The following TUNAR variants were observed in gnomAD, a reference collection of about 807,000 sequenced individuals.
TUNAR encodes the protein protein TUNAR.
At chr14:95,883,397 C>A (rs542278875) in intron 2 of TUNAR, among the ~76,000 whole-genome samples, 2 of 152,138 alleles carry the variant, frequency 1.3e-5, no homozygotes, top group Non-Finnish European at 2.9e-5. Flanking sequence ...TAGGATCCAC[C>A]CCCCCAACAC....
Position 95,904,699 on chromosome 14 carries a change from G to A in TUNAR, c.13-18082G>A, listed in dbSNP as rs1225660826. ...CCTTGAGGCTCAGCCCCATAGAGGT[G>A]GGGAGCCCCTTCCAGGCCTCGGGCC... On this transcript the variant is annotated intron_variant, in intron 2 of 2. Coordinates refer to ENST00000678517, the Ensembl canonical transcript of TUNAR. Among the ~76,000 whole-genome samples, 4 of 152,192 alleles carry A rather than the reference G, an allele frequency of 2.6e-5. No homozygotes were observed. In the East Asian group the frequency reaches 5.8e-4, roughly 22 times the overall value.
intron 2 of TUNAR, among the ~76,000 whole-genome samples, chr14:95,900,157 C>T (rs759216756): frequency 2.6e-5 from 4 of 152,098 alleles, no homozygotes; most frequent in Non-Finnish European, 4.4e-5. Context: ...AAACATAAAA[C>T]GATGCTTAAA....
intron 2 of TUNAR, among the ~76,000 whole-genome samples, chr14:95,884,651 T>G (rs1208823379): frequency 2.0e-5 from 3 of 152,082 alleles, no homozygotes; most frequent in Admixed American, 2.0e-4. Context: ...TTCGAGGAAG[T>G]TTCTGGATAT....
intron 2 of TUNAR, among the ~76,000 whole-genome samples, chr14:95,891,862 G>T (rs894790120): frequency 6.6e-6 from 1 of 152,184 alleles, no homozygotes; most frequent in Admixed American, 6.5e-5. Context: ...GTCTCCTCCC[G>T]GTTGCTGGTG....
intron 2 of TUNAR, among the ~76,000 whole-genome samples, chr14:95,911,161 C>G (rs879551805): frequency 6.6e-6 from 1 of 152,228 alleles, no homozygotes; most frequent in African/African-American, 2.4e-5. Flanking sequence ...CCCCTCCAGC[C>G]TCAGCTCTTA....
At chr14:95,896,013 C>G (rs1889258640) in intron 2 of TUNAR, 1 of 152,212 alleles carries the variant, frequency 6.6e-6, no homozygotes, top group Non-Finnish European at 1.5e-5. Context: ...GGTACCTGGC[C>G]CCAGGTGGGC....
chr14:95,891,731 C>T (rs1245628303), intron 2 of TUNAR, among the ~76,000 whole-genome samples: 1 of 152,202 alleles, frequency 6.6e-6, no homozygotes. Flanking sequence ...ATAACAATAC[C>T]AAAAGCTGGG....
chr14:95,888,698 G>A (rs761069213), intron 2 of TUNAR, among the ~76,000 whole-genome samples: 10 of 152,288 alleles, frequency 6.6e-5, no homozygotes, highest in East Asian at 5.8e-4. Flanking sequence ...TAGTGCGTGG[G>A]GGTGTCTGTC....
At chr14:95,901,740 G>A (rs1172528787) in intron 2 of TUNAR, among the ~76,000 whole-genome samples, 1 of 152,218 alleles carries the variant, frequency 6.6e-6, no homozygotes, top group Non-Finnish European at 1.5e-5. Flanking sequence ...TCTCTTCAAA[G>A]TAGGGAGGAG....
intron 2 of TUNAR, among the ~76,000 whole-genome samples, chr14:95,921,619 A>G (rs144659464): frequency 5.3e-5 from 8 of 152,362 alleles, no homozygotes; most frequent in African/African-American, 1.7e-4. Context: ...AAAGCTTAAC[A>G]GATGGCAGAT....
intron 2 of TUNAR, among the ~76,000 whole-genome samples, chr14:95,911,004 C>A (rs1357850177): frequency 2.0e-5 from 3 of 152,168 alleles, no homozygotes; most frequent in African/African-American, 7.2e-5. Flanking sequence ...TATAAAGTAT[C>A]TAATGCATAC....
chr14:95,912,791 C>CT (rs976456798), intron 2 of TUNAR, among the ~76,000 whole-genome samples: 7 of 151,058 alleles, frequency 4.6e-5, no homozygotes, highest in East Asian at 1.9e-4. Context: ...TCCTTTTTTT[C>CT]TTTTTTTTTC....
intron 2 of TUNAR, among the ~76,000 whole-genome samples, chr14:95,879,425 T>G (rs926477482): frequency 6.6e-6 from 1 of 152,206 alleles, no homozygotes; most frequent in Admixed American, 6.5e-5. Context: ...TAGCTTCTCA[T>G]GATTAACTGG....
rs1888908853 is a variant in TUNAR at position 95,877,521 on chromosome 14, G to C, written c.12+344G>C. On this transcript the variant is annotated intron_variant, in intron 2 of 2. Transcript: ENST00000678517. ...GTGTCCAGGCCGTGCCGGGCAGTGTGCCTCAAAGCCGCTCTGGGAAATAGG... is the reference window on the plus strand; with the variant it reads ...GTGTCCAGGCCGTGCCGGGCAGTGTCCCTCAAAGCCGCTCTGGGAAATAGG... 2.6e-5 allele frequency among the ~76,000 whole-genome samples: 4 copies of C among 152,306 alleles called. No homozygotes were observed. In the South Asian group the frequency reaches 8.3e-4, roughly 32 times the overall value.
intron 2 of TUNAR, among the ~76,000 whole-genome samples, chr14:95,886,699 G>A (rs963947790): frequency 2.0e-5 from 3 of 152,202 alleles, no homozygotes; most frequent in African/African-American, 4.8e-5. Context: ...ACAAATTGAG[G>A]CCAAGAGAAG....
chr14:95,910,578 T>C (rs1845731379), intron 2 of TUNAR, among the ~76,000 whole-genome samples: 1 of 152,248 alleles, frequency 6.6e-6, no homozygotes, highest in African/African-American at 2.4e-5. Flanking sequence ...ATACTAATCA[T>C]TGTGAACCTT....
intron 2 of TUNAR, among the ~76,000 whole-genome samples, chr14:95,885,827 A>G (rs12885543): frequency 0.027 from 4,039 of 152,300 alleles, 90 homozygotes; most frequent in South Asian, 0.054. Context: ...GAAGATGTGT[A>G]AAACGTTCAA....
intron 2 of TUNAR, among the ~76,000 whole-genome samples, chr14:95,897,388 C>G (rs1012376121): frequency 1.3e-5 from 2 of 152,142 alleles, no homozygotes; most frequent in African/African-American, 4.8e-5. Flanking sequence ...TCTCCAGCAC[C>G]CTTGCACAGT....
intron 2 of TUNAR, among the ~76,000 whole-genome samples, chr14:95,885,328 G>C (rs1392976771): frequency 1.3e-5 from 2 of 152,244 alleles, no homozygotes; most frequent in East Asian, 3.8e-4. Context: ...GAGGATGAAA[G>C]TAGAGATGTT....
Sources: allele counts gnomAD v4.1 joint callset (sites outside exome capture counted in the v4.1 genomes callset), GRCh38; gene constraint gnomAD v4.1.1; transcripts MANE v1.5; gene names NCBI Gene and HGNC (gene_info 2026-07-23, HGNC 2026-07-21).